USP15: variants seen among roughly 807,000 people sequenced by gnomAD.
The protein encoded by USP15 is ubiquitin specific peptidase 15.
USP15 carries 18 observed loss-of-function variants against 127.1 expected under a neutral mutation model. The ratio of observed to expected loss-of-function variants is 0.14; its 90% CI spans 0.10 to 0.21. The LOEUF (loss-of-function observed/expected upper bound fraction) is 0.21, where lower values mean the gene tolerates loss of function less well. USP15 is among the 10% of genes least tolerant of loss of function. The probability of loss-of-function intolerance (pLI) is 1.00; values close to 1 mark genes in which losing one functional copy is unlikely to be tolerated. For missense variants in USP15, 805 were observed against 1,159.9 expected (o/e 0.69, Z 4.44); for synonymous variants, 364 against 393.7 (o/e 0.92, Z 0.89).
chr12:62,336,642 C>T (rs2065475048), intron 6 of USP15: 2 of 354,506 alleles, frequency 5.6e-6, no homozygotes, highest in African/African-American at 4.4e-5. Context: ...ATGAATAACA[C>T]TTTTATGAAA....
At chr12:62,270,726 C>T (rs1309276520) in intron 1 of USP15, among the ~76,000 whole-genome samples, 4 of 152,060 alleles carry the variant, frequency 2.6e-5, no homozygotes, top group African/African-American at 9.7e-5. Context: ...ATACCAGTAC[C>T]AGATTATAAC....
intron 6 of USP15, among the ~76,000 whole-genome samples, chr12:62,341,010 A>G (rs930342151): frequency 6.6e-6 from 1 of 152,154 alleles, no homozygotes; most frequent in African/African-American, 2.4e-5. Flanking sequence ...TGGGAGTCTG[A>G]GTCTCTTTCT....
intron 8 of USP15, 81 bp from the exon 9 acceptor site, chr12:62,381,409 G>T (rs569795549): frequency 8.8e-7 from 1 of 1,133,558 alleles, no homozygotes; most frequent in African/African-American, 1.7e-5. Flanking sequence ...AAATCAATTT[G>T]TTTCTCTCTT....
chr12:62,280,134 G>A (rs987303669), intron 1 of USP15, among the ~76,000 whole-genome samples: 5 of 152,036 alleles, frequency 3.3e-5, no homozygotes, highest in African/African-American at 1.2e-4. Flanking sequence ...TCAAATATTA[G>A]TGATTTTGTT....
intron 6 of USP15, among the ~76,000 whole-genome samples, chr12:62,345,600 C>T (rs532389422): frequency 3.3e-5 from 5 of 152,256 alleles, no homozygotes; most frequent in East Asian, 3.9e-4. Flanking sequence ...TACACATTTT[C>T]GGGTATCTTT....
chr12:62,390,237 A>G (rs147599911), intron 14 of USP15, among the ~76,000 whole-genome samples: 74 of 152,314 alleles, frequency 4.9e-4, no homozygotes, highest in African/African-American at 1.8e-3. Context: ...TACAGTTAGA[A>G]GGACATAGGA....
At chr12:62,365,574 A>G (rs1390022092) in intron 8 of USP15, among the ~76,000 whole-genome samples, 2 of 152,018 alleles carry the variant, frequency 1.3e-5, no homozygotes, top group East Asian at 3.9e-4. Context: ...CCATTTGTCA[A>G]TTTTGACTTT....
intron 6 of USP15, chr12:62,335,441 G>T: frequency 1.5e-6 from 2 of 1,356,266 alleles, no homozygotes; most frequent in Non-Finnish European, 1.9e-6. Context: ...TCCATCCTTA[G>T]CTCTCTGATC....
intron 8 of USP15, among the ~76,000 whole-genome samples, chr12:62,369,077 A>G (rs1044992208): frequency 6.6e-6 from 1 of 152,210 alleles, no homozygotes; most frequent in African/African-American, 2.4e-5. Context: ...CTTGTCCTCT[A>G]GAAGTTCATG....
chr12:62,372,969 A>G (rs2066721959), intron 8 of USP15, among the ~76,000 whole-genome samples: 2 of 152,258 alleles, frequency 1.3e-5, no homozygotes, highest in South Asian at 2.1e-4. Context: ...ATAGCCTGTT[A>G]CTAAAAATAA....
intron 6 of USP15, among the ~76,000 whole-genome samples, chr12:62,347,880 A>T (rs563738254): frequency 6.6e-6 from 1 of 152,278 alleles, no homozygotes; most frequent in South Asian, 2.1e-4. Context: ...TTTTTTTCTA[A>T]GATTTTATAA....
In USP15 at chr12:62,414,124, G is replaced by A. The variant is rs1381374870; in HGVS notation, c.*9749G>A. 2 of 152,146 alleles carry A rather than the reference G, an allele frequency of 1.3e-5. No homozygotes were observed. The highest frequency in any genetic ancestry group is 4.8e-5 in the African/African-American group (2 of 41,416). The allele number at this position is 152,146 out of a possible 1,614,324, so 9.4% of individuals were successfully genotyped here. On this transcript the variant is annotated 3_prime_UTR_variant, in exon 22 of 22. Transcript: ENST00000280377. ...GTAACATCAAAGATTACTGATCACAGATCACCGTAACAGATACAATAATAA... is the reference window on the plus strand; with the variant it reads ...GTAACATCAAAGATTACTGATCACAAATCACCGTAACAGATACAATAATAA...
intron 1 of USP15, among the ~76,000 whole-genome samples, chr12:62,279,805 A>G (rs545504035): frequency 2.0e-5 from 3 of 152,310 alleles, no homozygotes; most frequent in East Asian, 1.9e-4. Context: ...TCCTTTATGC[A>G]TGATCTGTTG....
chr12:62,391,064 CT>C (rs1270348187), intron 15 of USP15, 85 bp downstream of exon 15: 1 of 1,507,508 alleles, frequency 6.6e-7, no homozygotes, highest in Non-Finnish European at 8.9e-7. Context: ...AATTAAAGAA[CT>C]AAAAAATACC....
At chr12:62,308,150 A>T (rs1191012163) in intron 3 of USP15, among the ~76,000 whole-genome samples, 2 of 152,160 alleles carry the variant, frequency 1.3e-5, no homozygotes, top group Non-Finnish European at 2.9e-5. Context: ...TCAAAGGCTT[A>T]TAGAAAATTT....
intron 3 of USP15, chr12:62,304,525 C>T (rs1248481661): frequency 4.0e-6 from 1 of 250,338 alleles, no homozygotes; most frequent in African/African-American, 2.2e-5. Flanking sequence ...AATAGACCAG[C>T]TTATAGTGTC....
rs1015057771 is a variant in USP15 at position 62,413,654 on chromosome 12, G to A, written c.*9279G>A. ...ACCTTAGCCTCCATAGAATTGAAGAGAGAGGGCCTTGCTCTGCGTTAGGCT... is the reference window on the plus strand; with the variant it reads ...ACCTTAGCCTCCATAGAATTGAAGAAAGAGGGCCTTGCTCTGCGTTAGGCT... On this transcript the variant is annotated 3_prime_UTR_variant, in exon 22 of 22. Transcript: ENST00000280377. 6.6e-5 allele frequency: 10 copies of A among 152,106 alleles called. No homozygotes were observed. The highest frequency in any genetic ancestry group is 4.4e-5 in the Non-Finnish European group (3 of 68,044). 9.4% of individuals were successfully genotyped at this position (152,106 alleles called of 1,614,324 possible).
At chr12:62,304,607 A>G (rs1002818288) in intron 3 of USP15, 15 of 398,072 alleles carry the variant, frequency 3.8e-5, no homozygotes, top group African/African-American at 1.9e-4. Flanking sequence ...TCCCCTAGCT[A>G]TAATGCAGAA....
intron 4 of USP15, 72 bp from the exon 5 acceptor site, chr12:62,321,392 G>A (rs1402446495): frequency 7.7e-6 from 7 of 908,686 alleles, no homozygotes; most frequent in Non-Finnish European, 9.0e-6. Flanking sequence ...TTTTGTGCTG[G>A]TAACATTTAG....
Sources: allele counts gnomAD v4.1 joint callset (sites outside exome capture counted in the v4.1 genomes callset), GRCh38; gene constraint gnomAD v4.1.1; transcripts MANE v1.5; gene names NCBI Gene and HGNC (gene_info 2026-07-23, HGNC 2026-07-21).